CAMTA1: variants seen among roughly 807,000 people sequenced by gnomAD.
The protein encoded by CAMTA1 is calmodulin binding transcription activator 1, also known as calmodulin-binding transcription activator 1.
CAMTA1 carries 27 observed loss-of-function variants against 170.9 expected under a neutral mutation model. The ratio of observed to expected loss-of-function variants is 0.16; its 90% CI spans 0.12 to 0.22. The LOEUF (loss-of-function observed/expected upper bound fraction) is 0.22, where lower values mean the gene tolerates loss of function less well. Among genes scored for constraint, CAMTA1 ranks in the 10% least tolerant of loss-of-function variants. The pLI is 1.00. For missense variants in CAMTA1, 1,619 were observed against 2,217.2 expected (o/e 0.73, Z 5.42); for synonymous variants, 833 against 891.5 (o/e 0.93, Z 1.17).
chr1:7,594,169 GGAAA>G (rs1023436889), intron 6 of CAMTA1, among the ~76,000 whole-genome samples: 10 of 126,958 alleles, frequency 7.9e-5, no homozygotes, highest in Admixed American at 4.0e-4. Flanking sequence ...GAAGGAGAAA[GGAAA>G]GAAAGAAAAG....
chr1:7,104,017 CAT>C (rs1031172492), intron 4 of CAMTA1, among the ~76,000 whole-genome samples: 8 of 143,834 alleles, frequency 5.6e-5, no homozygotes, highest in South Asian at 2.3e-4. Context: ...ACACTACACA[CAT>C]GTACACACTA....
chr1:7,237,937 C>T (rs148383426), intron 4 of CAMTA1, among the ~76,000 whole-genome samples: 1 of 152,250 alleles, frequency 6.6e-6, no homozygotes, highest in African/African-American at 2.4e-5. Flanking sequence ...ATCCTATTCA[C>T]TAAAACAGAG....
intron 5 of CAMTA1, among the ~76,000 whole-genome samples, chr1:7,457,910 G>A (rs979823236): frequency 5.9e-5 from 9 of 152,168 alleles, no homozygotes; most frequent in Non-Finnish European, 1.0e-4. Flanking sequence ...AGCTCCGGCC[G>A]ACCCAGATAC....
rs990044926 is a variant in CAMTA1, at chr1:7,435,466, A to G, written c.439-32364A>G. Among the ~76,000 whole-genome samples, 8 of 152,134 alleles carry G rather than the reference A, an allele frequency of 5.3e-5. No homozygotes were observed. Among genetic ancestry groups the G allele is most frequent in the Admixed American group, 4.6e-4 (7 of 15,280 alleles). ...GCTCTGCTGCTATTCCTGTTTTGAA[A>G]CAGAACCTTCCGGTTTGTTGAGGGT... On this transcript the variant is annotated intron_variant, in intron 5 of 22. Coordinates refer to ENST00000303635, the MANE Select transcript of CAMTA1 (RefSeq NM_015215.4). This position sits in a 1 kb window ranked among gnomAD's most constrained non-coding sequence, Gnocchi z 4.4.
At chr1:7,762,717 C>T (rs986235175) in intron 22 of CAMTA1, among the ~76,000 whole-genome samples, 1 of 152,134 alleles carries the variant, frequency 6.6e-6, no homozygotes, top group Non-Finnish European at 1.5e-5. Flanking sequence ...CTAAAAATCT[C>T]CCTTGATTCT....
At chr1:7,538,284 A>G (rs565786932) in intron 6 of CAMTA1, among the ~76,000 whole-genome samples, 49 of 152,328 alleles carry the variant, frequency 3.2e-4, no homozygotes, top group Middle Eastern at 3.4e-3. Context: ...CAGTGCAAGC[A>G]GACATCAGCA....
chr1:6,841,543 G>A (rs1412555606), intron 3 of CAMTA1, among the ~76,000 whole-genome samples: 1 of 152,102 alleles, frequency 6.6e-6, no homozygotes, highest in Non-Finnish European at 1.5e-5. Context: ...AGGTGAGGAC[G>A]TGGAGGCTAC....
At chr1:7,684,806 C>T (rs2096244244) in intron 11 of CAMTA1, among the ~76,000 whole-genome samples, 1 of 152,158 alleles carries the variant, frequency 6.6e-6, no homozygotes, top group South Asian at 2.1e-4. Flanking sequence ...TGCAGGGCTC[C>T]ATATCTTGTA....
intron 5 of CAMTA1, among the ~76,000 whole-genome samples, chr1:7,270,369 A>G (rs1669615038): frequency 7.0e-6 from 1 of 143,252 alleles, no homozygotes; most frequent in Admixed American, 7.1e-5. Flanking sequence ...ATCTCGGCTC[A>G]CTGCAACCTC....
chr1:7,689,095 C>T (rs1253189447), intron 11 of CAMTA1, among the ~76,000 whole-genome samples: 1 of 151,762 alleles, frequency 6.6e-6, no homozygotes, highest in East Asian at 1.9e-4. Flanking sequence ...AACCCCCTCT[C>T]TACCAAAAAT....
At chr1:7,556,863 T>A (rs987122339) in intron 6 of CAMTA1, among the ~76,000 whole-genome samples, 1 of 152,130 alleles carries the variant, frequency 6.6e-6, no homozygotes, top group Non-Finnish European at 1.5e-5. Context: ...TGGGGCATGC[T>A]GGGCACCGAT....
intron 11 of CAMTA1, among the ~76,000 whole-genome samples, chr1:7,718,817 A>G (rs113909781): frequency 0.19 from 27,888 of 148,660 alleles, 2,678 homozygotes; most frequent in South Asian, 0.28. Context: ...TCAGCCTCCC[A>G]AAGTGCTGGG....
At chr1:6,819,139 G>C (rs1646184686) in intron 1 of CAMTA1, among the ~76,000 whole-genome samples, 1 of 152,076 alleles carries the variant, frequency 6.6e-6, no homozygotes, top group Admixed American at 6.5e-5. Flanking sequence ...ATAAAATGTT[G>C]AGGGTGGTTG....
intron 5 of CAMTA1, among the ~76,000 whole-genome samples, chr1:7,348,440 TGGGGCCCACTCGTGG>T (rs2084389263): frequency 6.6e-6 from 1 of 152,150 alleles, no homozygotes; most frequent in African/African-American, 2.4e-5. Flanking sequence ...CTGGGGGTCG[TGGGGCCCACTCGTGG>T]TCCAGACAGC....
intron 5 of CAMTA1, among the ~76,000 whole-genome samples, chr1:7,322,622 C>T (rs901447057): frequency 1.3e-5 from 2 of 152,242 alleles, no homozygotes; most frequent in Non-Finnish European, 2.9e-5. Context: ...TTTTGAGTCA[C>T]ACTTGGTTGT....
intron 4 of CAMTA1, among the ~76,000 whole-genome samples, chr1:7,207,996 C>T (rs779575655): frequency 1.4e-4 from 21 of 152,222 alleles, no homozygotes; most frequent in Non-Finnish European, 2.8e-4. Flanking sequence ...CAATAAAATG[C>T]CACGTCATCT....
intron 4 of CAMTA1, among the ~76,000 whole-genome samples, chr1:7,150,337 T>C (rs1481239525): frequency 2.6e-5 from 4 of 152,130 alleles, no homozygotes; most frequent in Non-Finnish European, 5.9e-5. Flanking sequence ...CTTCTCCAAC[T>C]GGAGGAAGTC....
intron 1 of CAMTA1, among the ~76,000 whole-genome samples, chr1:6,786,919 G>T (rs1185470829): frequency 6.6e-6 from 1 of 152,160 alleles, no homozygotes; most frequent in Admixed American, 6.5e-5. Flanking sequence ...CTTGACTCTT[G>T]TGTCTCAGGA....
chr1:6,973,266 C>A (rs1475796925), intron 3 of CAMTA1, among the ~76,000 whole-genome samples: 2 of 152,320 alleles, frequency 1.3e-5, no homozygotes, highest in East Asian at 3.9e-4. Flanking sequence ...ACATGTTGAA[C>A]ATCAACTCCC....
Sources: gnomAD v4.1 joint callset for allele counts (sites outside exome capture counted in the v4.1 genomes callset) on GRCh38, gnomAD v4.1.1 for gene constraint, Gnocchi (gnomAD v3.1) non-coding constraint, MANE v1.5 for transcripts, NCBI Gene and HGNC (gene_info 2026-07-23, HGNC 2026-07-21) for gene names.